The following RGS7 variants were observed in gnomAD, a reference collection of about 807,000 sequenced individuals.
RGS7 encodes regulator of G protein signaling 7, also known as regulator of G-protein signaling 7.
Under a neutral mutation model 81.1 loss-of-function variants are expected in RGS7, and 27 were observed. The ratio of observed to expected loss-of-function variants is 0.33; its 90% CI spans 0.25 to 0.46. The LOEUF is 0.46. Among genes scored for constraint, RGS7 ranks in the 20% least tolerant of loss-of-function variants. The pLI is 1.00. For missense variants in RGS7, 396 were observed against 607.4 expected, an observed-to-expected ratio of 0.65 and a Z score of 3.66; for synonymous variants, 208 against 207.7, an observed-to-expected ratio of 1.00 and a Z score of -0.01.
rs568190465 is a variant in RGS7 at position 241,317,496 on chromosome 1, G to T, written c.78+38203C>A. Among the ~76,000 whole-genome samples, 8 of 152,128 alleles carry T rather than the reference G, an allele frequency of 5.3e-5. No individual in the cohort carries two copies. In the East Asian group the frequency reaches 1.5e-3, roughly 29 times the overall value. ...ACTTTCTGCATTCCTCTTTTCTTAC[G>T]TCTCCCTATGTGCACAAAGGAAGCT... On this transcript the variant is annotated intron_variant, in intron 2 of 18. Transcript: ENST00000440928.
At chr1:241,159,216 C>G (rs1309170608) in intron 2 of RGS7, among the ~76,000 whole-genome samples, 1 of 152,166 alleles carries the variant, frequency 6.6e-6, no homozygotes, top group Non-Finnish European at 1.5e-5. Context: ...GGCTTACAAG[C>G]CTTTCAGAAT....
At chr1:241,018,294 C>G (rs2059370625) in intron 3 of RGS7, among the ~76,000 whole-genome samples, 1 of 151,880 alleles carries the variant, frequency 6.6e-6, no homozygotes, top group South Asian at 2.1e-4. Context: ...CGCCTTGTCT[C>G]TTTAGACTGT....
chr1:241,086,867 G>GT (rs963248233), intron 3 of RGS7, among the ~76,000 whole-genome samples: 1 of 152,138 alleles, frequency 6.6e-6, no homozygotes, highest in African/African-American at 2.4e-5. Context: ...CCTTCGAGCT[G>GT]TTGCACAGGC....
intron 2 of RGS7, among the ~76,000 whole-genome samples, chr1:241,105,918 T>C (rs1165174842): frequency 6.6e-6 from 1 of 152,258 alleles, no homozygotes; most frequent in Non-Finnish European, 1.5e-5. Context: ...TTTTTCTATG[T>C]GCACATACTT....
At chr1:240,902,418 T>C (rs1029266427) in intron 6 of RGS7, among the ~76,000 whole-genome samples, 4 of 152,196 alleles carry the variant, frequency 2.6e-5, no homozygotes, top group Admixed American at 6.5e-5. Flanking sequence ...TTTCTCTTTT[T>C]TTCTGGAGTA....
At chr1:241,009,164 A>T (rs1418669284) in intron 3 of RGS7, among the ~76,000 whole-genome samples, 1 of 152,192 alleles carries the variant, frequency 6.6e-6, no homozygotes, top group Non-Finnish European at 1.5e-5. Context: ...CATGACTATC[A>T]CACAGTCTGA....
chr1:241,196,553 T>C (rs558856221), intron 2 of RGS7, among the ~76,000 whole-genome samples: 18 of 149,770 alleles, frequency 1.2e-4, no homozygotes, highest in African/African-American at 4.1e-4. Flanking sequence ...ATTTATCTGA[T>C]AGGAACTTTA....
intron 2 of RGS7, among the ~76,000 whole-genome samples, chr1:241,268,497 C>T (rs1274076210): frequency 6.6e-6 from 1 of 152,188 alleles, no homozygotes; most frequent in Non-Finnish European, 1.5e-5. Context: ...GGCTACTGCC[C>T]TGCAGGGTGC....
intron 2 of RGS7, among the ~76,000 whole-genome samples, chr1:241,311,467 T>C (rs562160937): frequency 6.6e-5 from 10 of 152,196 alleles, no homozygotes; most frequent in Admixed American, 4.6e-4. Context: ...AGTTGGCTCA[T>C]GGAAGTGAGC....
intron 10 of RGS7, among the ~76,000 whole-genome samples, chr1:240,825,001 A>G (rs1213677869): frequency 6.6e-6 from 1 of 152,210 alleles, no homozygotes; most frequent in Non-Finnish European, 1.5e-5. Context: ...TCGAACTTCT[A>G]GTTTCCGTAA....
chr1:241,042,573 A>G (rs775411294), intron 3 of RGS7, among the ~76,000 whole-genome samples: 29 of 152,228 alleles, frequency 1.9e-4, no homozygotes, highest in Non-Finnish European at 3.8e-4. Flanking sequence ...AAAGGCACAT[A>G]AAAGACCAGG....
intron 4 of RGS7, among the ~76,000 whole-genome samples, chr1:240,968,321 C>T (rs2148499130): frequency 6.6e-6 from 1 of 152,322 alleles, no homozygotes; most frequent in African/African-American, 2.4e-5. Flanking sequence ...TGGCAGATCC[C>T]TTCCAAAATT....
At chr1:241,211,457 C>T (rs748604232) in intron 2 of RGS7, among the ~76,000 whole-genome samples, 3 of 152,176 alleles carry the variant, frequency 2.0e-5, no homozygotes, top group Non-Finnish European at 4.4e-5. Flanking sequence ...GTCACCGTCA[C>T]CGTAGCTGGA....
At chr1:241,161,534 C>T (rs1395966468) in intron 2 of RGS7, among the ~76,000 whole-genome samples, 3 of 137,780 alleles carry the variant, frequency 2.2e-5, no homozygotes, top group Non-Finnish European at 3.1e-5. Context: ...ACTAATATAA[C>T]GAATTATATT....
intron 2 of RGS7, among the ~76,000 whole-genome samples, chr1:241,270,893 G>T (rs1433148861): frequency 7.1e-6 from 1 of 141,674 alleles, no homozygotes; most frequent in Admixed American, 7.3e-5. Flanking sequence ...CCAGTAGCTG[G>T]GGCTACAGGA....
chr1:240,991,365 A>G (rs946449571), intron 3 of RGS7, among the ~76,000 whole-genome samples: 2 of 152,218 alleles, frequency 1.3e-5, no homozygotes, highest in African/African-American at 4.8e-5. Context: ...GAGGAGATAA[A>G]AGGTAATGGA....
intron 4 of RGS7, among the ~76,000 whole-genome samples, chr1:240,944,308 A>C (rs1415608040): frequency 7.6e-6 from 1 of 130,900 alleles, no homozygotes; most frequent in African/African-American, 2.9e-5. Flanking sequence ...ATATATATAT[A>C]TATATATATA....
At chr1:240,923,484 GA>G (rs1207843532) in intron 6 of RGS7, among the ~76,000 whole-genome samples, 1 of 151,754 alleles carries the variant, frequency 6.6e-6, no homozygotes, top group Non-Finnish European at 1.5e-5. Context: ...GAGATTCTCT[GA>G]AAAAAATGAA....
At chr1:241,036,780 G>A (rs755351279) in intron 3 of RGS7, among the ~76,000 whole-genome samples, 48 of 152,328 alleles carry the variant, frequency 3.2e-4, no homozygotes, top group Non-Finnish European at 4.6e-4. Flanking sequence ...TTGCCGTGCA[G>A]TTAGATGGGG....
Sources: gnomAD v4.1 joint callset for allele counts (sites outside exome capture counted in the v4.1 genomes callset) on GRCh38, gnomAD v4.1.1 for gene constraint, MANE v1.5 for transcripts, NCBI Gene and HGNC (gene_info 2026-07-23, HGNC 2026-07-21) for gene names.